SPIN1: variants seen among roughly 807,000 people sequenced by gnomAD.
SPIN1 encodes the protein spindlin 1.
In SPIN1, 3 loss-of-function variants were observed where a neutral mutation model predicts 26.0. That is an observed-to-expected ratio of 0.12 (90% CI 0.05 to 0.30). The LOEUF (loss-of-function observed/expected upper bound fraction) is 0.30, where lower values mean the gene tolerates loss of function less well. Ranked by LOEUF, SPIN1 falls within the 10% of genes least tolerant of loss-of-function variation. The probability of loss-of-function intolerance (pLI) is 1.00; values close to 1 mark genes in which losing one functional copy is unlikely to be tolerated. For synonymous variants in SPIN1, 101 were observed against 116.5 expected, an observed-to-expected ratio of 0.87 and a Z score of 0.86; for missense variants, 126 against 333.4, an observed-to-expected ratio of 0.38 and a Z score of 4.84.
rs145942920 is a variant in SPIN1 at position 88,429,937 on chromosome 9, G to A, written c.52+3346G>A. Among the ~76,000 whole-genome samples the A allele has an allele frequency of 2.5e-3, 378 of 152,224 alleles. 1 individual carries two copies. Among genetic ancestry groups the A allele is most frequent in the Non-Finnish European group, 4.3e-3 (291 of 68,012 alleles). On this transcript the variant is annotated intron_variant, in intron 2 of 5. Coordinates refer to ENST00000375859, the MANE Select transcript of SPIN1 (RefSeq NM_006717.3). ...GGAAGCTGTAAGTCAAGAGGAGGAG[G>A]AAGGCCAAATATATATATTTCACAG...
chr9:88,443,939 G>T (rs979565810), intron 2 of SPIN1, among the ~76,000 whole-genome samples: 5 of 116,856 alleles, frequency 4.3e-5, no homozygotes, highest in African/African-American at 4.2e-4. Flanking sequence ...TGCCCATGCT[G>T]ACTAGCAATG....
intron 1 of SPIN1, among the ~76,000 whole-genome samples, chr9:88,403,957 C>G (rs1375706518): frequency 6.6e-6 from 1 of 152,178 alleles, no homozygotes; most frequent in African/African-American, 2.4e-5. Context: ...ATAGAGCATA[C>G]TTGCACAAAA....
At chr9:88,412,015 CAAA>C (rs538756833) in intron 1 of SPIN1, among the ~76,000 whole-genome samples, 1 of 114,060 alleles carries the variant, frequency 8.8e-6, no homozygotes, top group African/African-American at 3.1e-5. Context: ...ACTAAAAATA[CAAA>C]AAAAAAAAAA....
chr9:88,473,462 T>C (rs987476609), intron 5 of SPIN1, among the ~76,000 whole-genome samples: 1 of 152,204 alleles, frequency 6.6e-6, no homozygotes, highest in African/African-American at 2.4e-5. Flanking sequence ...CAGGAATTTG[T>C]CATGAGAACA....
intron 1 of SPIN1, chr9:88,411,166 A>T (rs1827435389): frequency 6.9e-7 from 1 of 1,451,394 alleles, no homozygotes; most frequent in African/African-American, 1.4e-5. Flanking sequence ...TTAAGTGGGC[A>T]CCTGGTCTTT....
At chr9:88,471,676 A>G (rs1017843917) in intron 5 of SPIN1, among the ~76,000 whole-genome samples, 2 of 150,808 alleles carry the variant, frequency 1.3e-5, no homozygotes, top group Non-Finnish European at 2.9e-5. Context: ...AAAAAAAAAA[A>G]AAAGAAAATC....
intron 2 of SPIN1, among the ~76,000 whole-genome samples, chr9:88,443,171 A>G (rs1349861801): frequency 6.7e-6 from 1 of 150,162 alleles, no homozygotes; most frequent in East Asian, 1.9e-4. Flanking sequence ...CATTGATTCT[A>G]TTCCTTTCTT....
At position 88,469,436 on chromosome 9, in the gene SPIN1, C is replaced by T. The variant is rs1733910615; in HGVS notation, c.589+831C>T. Among the ~76,000 whole-genome samples the T allele has an allele frequency of 2.0e-5, 3 of 152,188 alleles. No homozygotes were observed. The South Asian group carries it at 6.2e-4, about 32-fold the overall frequency. ...TAGACAGGTGATTTAGCTATTTCCACAACTAGTCTGTTCACACAGGTAAGG... is the reference window on the plus strand; with the variant it reads ...TAGACAGGTGATTTAGCTATTTCCATAACTAGTCTGTTCACACAGGTAAGG... On this transcript the variant is annotated intron_variant, in intron 5 of 5. Coordinates refer to ENST00000375859, the MANE Select transcript of SPIN1 (RefSeq NM_006717.3).
At chr9:88,417,316 C>T (rs776986677) in intron 1 of SPIN1, among the ~76,000 whole-genome samples, 1 of 152,066 alleles carries the variant, frequency 6.6e-6, no homozygotes, top group East Asian at 1.9e-4. Context: ...GTGGGTTTTC[C>T]CTACATTATC....
intron 4 of SPIN1, among the ~76,000 whole-genome samples, chr9:88,464,276 T>C (rs1049850261): frequency 6.6e-6 from 1 of 151,654 alleles, no homozygotes; most frequent in Non-Finnish European, 1.5e-5. Context: ...TTTTTGACAT[T>C]GAAATTGAAA....
intron 1 of SPIN1, among the ~76,000 whole-genome samples, chr9:88,398,473 G>C (rs967767737): frequency 1.3e-5 from 2 of 152,092 alleles, no homozygotes; most frequent in African/African-American, 4.8e-5. Context: ...CTGTGCAGTA[G>C]CGAGAATTAA....
At chr9:88,434,321 A>ATAGTTTTACAAATTATAAAATAGT (rs1423796899) in intron 2 of SPIN1, among the ~76,000 whole-genome samples, 25 of 138,836 alleles carry the variant, frequency 1.8e-4, no homozygotes, top group African/African-American at 7.4e-4. Flanking sequence ...AATTTATAAA[A>ATAGTTTTACAAATTATAAAATAGT]TTATTTTACA....
chr9:88,456,120 T>G (rs1828466855), intron 3 of SPIN1, among the ~76,000 whole-genome samples: 1 of 152,204 alleles, frequency 6.6e-6, no homozygotes, highest in African/African-American at 2.4e-5. Context: ...TTTGTAGATG[T>G]GGACTCACGG....
At chr9:88,440,217 G>A (rs1220168872) in intron 2 of SPIN1, among the ~76,000 whole-genome samples, 1 of 143,136 alleles carries the variant, frequency 7.0e-6, no homozygotes, top group Non-Finnish European at 1.5e-5. Flanking sequence ...GCTGGTCTCG[G>A]GCTTTCCACT....
At chr9:88,406,359 C>G (rs868532474) in intron 1 of SPIN1, among the ~76,000 whole-genome samples, 1 of 151,052 alleles carries the variant, frequency 6.6e-6, no homozygotes, top group African/African-American at 2.4e-5. Context: ...GGCGCAGACT[C>G]GGTTCACTGC....
chr9:88,426,418 A>G lies in SPIN1; in HGVS notation c.-122A>G. ...TTTCACGTATTTTTGCTGAACTCGT[A>G]AAAGAGACACTTGGATGGTGGATTA... is the stretch of plus-strand genomic sequence containing the variant. On this transcript the variant is annotated 5_prime_UTR_variant, in exon 2 of 6. Coordinates refer to ENST00000375859, the MANE Select transcript of SPIN1 (RefSeq NM_006717.3). 7.0e-6 allele frequency: 5 copies of G among 711,496 alleles called. No homozygotes were observed. The highest frequency in any genetic ancestry group is 1.2e-5 in the Non-Finnish European group (5 of 421,226). The allele number at this position is 711,496 out of a possible 1,614,324, so 44.1% of individuals were successfully genotyped here. A position where few individuals can be genotyped will look rare whatever the true frequency, so the allele number is the denominator to read the frequency against.
chr9:88,422,278 AC>A (rs1157781904), intron 1 of SPIN1, among the ~76,000 whole-genome samples: 2 of 152,198 alleles, frequency 1.3e-5, no homozygotes, highest in Admixed American at 1.3e-4. Flanking sequence ...GGTTCTGCTA[AC>A]CTAGAAATAA....
intron 4 of SPIN1, among the ~76,000 whole-genome samples, chr9:88,466,186 T>G (rs904510853): frequency 6.6e-6 from 1 of 152,200 alleles, no homozygotes; most frequent in Non-Finnish European, 1.5e-5. Context: ...AGAGACAGGA[T>G]CTCGCTTTGT....
intron 1 of SPIN1, among the ~76,000 whole-genome samples, chr9:88,413,073 T>G (rs1266776360): frequency 4.0e-5 from 6 of 150,634 alleles, no homozygotes; most frequent in African/African-American, 9.8e-5. Context: ...AAGTTTTTTT[T>G]TTTTTTTTTT....
Sources: gnomAD v4.1 joint callset for allele counts (sites outside exome capture counted in the v4.1 genomes callset) on GRCh38, gnomAD v4.1.1 for gene constraint, MANE v1.5 for transcripts, NCBI Gene and HGNC (gene_info 2026-07-23, HGNC 2026-07-21) for gene names.